Variants in PCDHGA11 observed in about 807,000 individuals in gnomAD.
The protein encoded by PCDHGA11 is protocadherin gamma-A11.
Under a neutral mutation model 60.4 loss-of-function variants are expected in PCDHGA11, and 39 were observed. The observed-to-expected ratio is 0.65, with a 90% CI of 0.50 to 0.84. The LOEUF (loss-of-function observed/expected upper bound fraction) is 0.84. Among genes scored for constraint, PCDHGA11 ranks in the 40% least tolerant of loss-of-function variants. The pLI is 0.00. For missense variants in PCDHGA11, 1,165 were observed against 1,197.7 expected (o/e 0.97, Z 0.40); for synonymous variants, 533 against 510.3 (o/e 1.04, Z -0.60).
rs766395950 is a variant in PCDHGA11, at chr5:141,422,819, TGAGA to T, written c.1594_1597del (p.Arg532Ter). Reference sequence around the variant, plus strand: ...TATGAGCAGTTTCGAGACTTAGAACTGAGAGTGATAGCACGTGACAGCGGGGACC... The same window carrying T: ...TATGAGCAGTTTCGAGACTTAGAACTGTGATAGCACGTGACAGCGGGGACC... On this transcript the variant is annotated frameshift_variant, in exon 1 of 4. Transcript: ENST00000398587. LOFTEE classifies it high-confidence loss of function. The T allele has an allele frequency of 6.2e-7, 1 of 1,614,188 alleles. No homozygotes were observed. Among genetic ancestry groups the T allele is most frequent in the African/African-American group, 1.3e-5 (1 of 75,038 alleles).
intron 1 of PCDHGA11, among the ~76,000 whole-genome samples, chr5:141,465,040 C>T (rs1396261200): frequency 6.6e-6 from 1 of 151,842 alleles, no homozygotes; most frequent in Non-Finnish European, 1.5e-5. Context: ...CCACAAATGA[C>T]CCTATATATT....
Position 141,486,558 on chromosome 5 carries a change from T to C in PCDHGA11, c.2434-8249T>C, listed in dbSNP as rs544575797. 1 of 1,614,034 alleles carries C rather than the reference T, an allele frequency of 6.2e-7. No homozygotes were observed. Among genetic ancestry groups the C allele is most frequent in the Non-Finnish European group, 8.5e-7 (1 of 1,180,012 alleles). ...TCTTTCTTTCAGAGGTCACATGAGG[T>C]GTTTGTTCCTGAGAACAATCGCCCA... On this transcript the variant is annotated intron_variant, in intron 1 of 3. Coordinates refer to ENST00000398587, the MANE Select transcript of PCDHGA11 (RefSeq NM_018914.3). This position sits in a 1 kb window ranked among gnomAD's most constrained non-coding sequence, Gnocchi z 5.0.
chr5:141,430,994 C>T, intron 1 of PCDHGA11: 1 of 1,613,950 alleles, frequency 6.2e-7, no homozygotes, highest in East Asian at 2.2e-5. Context: ...CGCCCTGAAT[C>T]CGCGCAGCGG....
chr5:141,436,594 G>A (rs79477223), intron 1 of PCDHGA11, among the ~76,000 whole-genome samples: 2 of 152,106 alleles, frequency 1.3e-5, no homozygotes, highest in African/African-American at 2.4e-5. Flanking sequence ...AAAGGTCGTG[G>A]TGATGGCTAG....
chr5:141,429,861 A>C (rs1483953460), intron 1 of PCDHGA11, among the ~76,000 whole-genome samples: 1 of 152,226 alleles, frequency 6.6e-6, no homozygotes, highest in Non-Finnish European at 1.5e-5. Flanking sequence ...TCTTTGGACT[A>C]CCAATTTTCT....
At chr5:141,443,792 A>G (rs540226154) in intron 1 of PCDHGA11, among the ~76,000 whole-genome samples, 67 of 152,366 alleles carry the variant, frequency 4.4e-4, no homozygotes, top group African/African-American at 1.4e-3. Flanking sequence ...AAAAAAAATG[A>G]AAAGGAAACA....
chr5:141,495,005 C>T (rs555909709), intron 2 of PCDHGA11, 140 bp downstream of exon 2: 1,141 of 1,522,692 alleles, frequency 7.5e-4, no homozygotes, highest in Non-Finnish European at 8.4e-4. Context: ...TCTTGGTGTG[C>T]GGGGGGCTGG....
chr5:141,428,594 G>A (rs1317075888), intron 1 of PCDHGA11: 4 of 227,916 alleles, frequency 1.8e-5, no homozygotes, highest in African/African-American at 9.1e-5. Context: ...CTGGTAGCAA[G>A]CTTCACTGAA....
Position 141,506,556 on chromosome 5 carries a change from AC to A in PCDHGA11, c.2581+1080del, listed in dbSNP as rs560503002. Among the ~76,000 whole-genome samples the A allele has an allele frequency of 4.0e-4, 60 of 151,718 alleles. 1 individual carries two copies. In the East Asian group the frequency reaches 0.011, roughly 28 times the overall value. ...AATGAGTCCTTAGGTAAGTTATTAA[AC>A]CCCCTCGGTTTCACTTACTATTAAT... On this transcript the variant is annotated intron_variant, in intron 3 of 3. Coordinates refer to ENST00000398587, the MANE Select transcript of PCDHGA11 (RefSeq NM_018914.3).
chr5:141,435,838 C>T (rs1037110579), intron 1 of PCDHGA11, among the ~76,000 whole-genome samples: 1 of 152,062 alleles, frequency 6.6e-6, no homozygotes, highest in Non-Finnish European at 1.5e-5. Context: ...TGCCTATCTA[C>T]TTTGAAAGAT....
At chr5:141,467,728 C>A (rs2099150053) in intron 1 of PCDHGA11, among the ~76,000 whole-genome samples, 1 of 152,058 alleles carries the variant, frequency 6.6e-6, no homozygotes, top group Admixed American at 6.5e-5. Context: ...GTGGCACAAT[C>A]CCAGCTCGCT....
At chr5:141,452,881 T>A (rs1273440996) in intron 1 of PCDHGA11, among the ~76,000 whole-genome samples, 1 of 152,166 alleles carries the variant, frequency 6.6e-6, no homozygotes, top group African/African-American at 2.4e-5. Context: ...TTTGTAATAA[T>A]TTATTCCACT....
intron 1 of PCDHGA11, among the ~76,000 whole-genome samples, chr5:141,482,530 CAAAA>C (rs3074545): frequency 9.1e-5 from 7 of 76,540 alleles, no homozygotes; most frequent in South Asian, 4.6e-4. Flanking sequence ...GACAGACATG[CAAAA>C]AAAAAAAAAA....
intron 1 of PCDHGA11, among the ~76,000 whole-genome samples, chr5:141,445,953 T>C (rs550111391): frequency 2.0e-4 from 31 of 152,308 alleles, no homozygotes; most frequent in Middle Eastern, 3.4e-3. Flanking sequence ...CTCTGGCTGC[T>C]ATATGGAGAA....
rs983317324 is a variant in PCDHGA11, at chr5:141,431,891, G to A, written c.2433+8231G>A. The stretch of plus-strand genomic sequence containing the variant: ...AAATGTAAATGACCAAGATTCTGAG[G>A]AAAACGGACAGGTGATCTGTTTCAT... On this transcript the variant is annotated intron_variant, in intron 1 of 3. Transcript: ENST00000398587. The surrounding 1 kb of genome is among the most constrained non-coding windows in gnomAD (Gnocchi z 4.8). 16 of 1,614,072 alleles carry A rather than the reference G, an allele frequency of 9.9e-6. No homozygotes were observed. The highest frequency in any genetic ancestry group is 2.7e-5 in the African/African-American group (2 of 74,934).
At chr5:141,440,150 A>G (rs770863453) in intron 1 of PCDHGA11, 1 of 152,244 alleles carries the variant, frequency 6.6e-6, no homozygotes, top group African/African-American at 2.4e-5. Context: ...ACGCCCCCCA[A>G]TTATAGCTTG....
chr5:141,481,895 A>G (rs1285005477), intron 1 of PCDHGA11, among the ~76,000 whole-genome samples: 2 of 147,522 alleles, frequency 1.4e-5, no homozygotes, highest in Non-Finnish European at 3.0e-5. Context: ...GCCTGGGTGA[A>G]AGAGCGAAAC....
chr5:141,478,839 T>G, intron 1 of PCDHGA11: 6 of 1,423,322 alleles, frequency 4.2e-6, no homozygotes, highest in Non-Finnish European at 5.5e-6. Flanking sequence ...AAGGGATGGT[T>G]AAGCTAAAAC....
chr5:141,491,047 G>A lies in PCDHGA11; in HGVS notation c.2434-3760G>A, dbSNP rs751761240. On this transcript the variant is annotated intron_variant, in intron 1 of 3. Coordinates refer to ENST00000398587, the MANE Select transcript of PCDHGA11 (RefSeq NM_018914.3). The surrounding 1 kb of genome is among the most constrained non-coding windows in gnomAD (Gnocchi z 6.9). Reference sequence around the variant, plus strand: ...CGTGGATGCTGATGCAGGCCACAATGCGTGGCTCTCCTACTCACTGTTGCC... The same window carrying A: ...CGTGGATGCTGATGCAGGCCACAATACGTGGCTCTCCTACTCACTGTTGCC... 4 of 1,614,054 alleles carry A rather than the reference G, an allele frequency of 2.5e-6. No homozygotes were observed. Among genetic ancestry groups the A allele is most frequent in the Non-Finnish European group, 3.4e-6 (4 of 1,180,034 alleles).
Sources: gnomAD v4.1 joint callset for allele counts (sites outside exome capture counted in the v4.1 genomes callset) on GRCh38, gnomAD v4.1.1 for gene constraint, Gnocchi (gnomAD v3.1) non-coding constraint, MANE v1.5 for transcripts, NCBI Gene and HGNC (gene_info 2026-07-23, HGNC 2026-07-21) for gene names.